Variants in CDK6 observed in about 807,000 individuals in gnomAD.
CDK6 encodes cyclin dependent kinase 6, also known as cyclin-dependent kinase 6.
In CDK6, 6 loss-of-function variants were observed where a neutral mutation model predicts 37.1. The ratio of observed to expected loss-of-function variants is 0.16; its 90% CI spans 0.09 to 0.32. CDK6 has a LOEUF of 0.32. Ranked by LOEUF, CDK6 falls within the 10% of genes least tolerant of loss-of-function variation. CDK6 has a pLI of 1.00. For missense variants in CDK6, 224 were observed against 418.9 expected (o/e 0.53, Z 4.06); for synonymous variants, 160 against 161.3 (o/e 0.99, Z 0.06).
At chr7:92,765,623 A>C (rs1245026270) in intron 3 of CDK6, among the ~76,000 whole-genome samples, 1 of 152,182 alleles carries the variant, frequency 6.6e-6, no homozygotes, top group Admixed American at 6.6e-5. Flanking sequence ...AGTTAATTAG[A>C]AGATAAACAC....
intron 4 of CDK6, among the ~76,000 whole-genome samples, chr7:92,698,420 G>A (rs1401362489): frequency 6.6e-6 from 1 of 152,128 alleles, no homozygotes; most frequent in Admixed American, 6.5e-5. Context: ...GAAAATTCCT[G>A]ATATATGCTG....
At chr7:92,782,322 T>G (rs917300041) in intron 2 of CDK6, among the ~76,000 whole-genome samples, 1 of 152,188 alleles carries the variant, frequency 6.6e-6, no homozygotes, top group African/African-American at 2.4e-5. Flanking sequence ...AAACCACAGA[T>G]GGTCTCTGCC....
intron 3 of CDK6, among the ~76,000 whole-genome samples, chr7:92,763,323 CA>C (rs1246335080): frequency 6.6e-6 from 1 of 152,104 alleles, no homozygotes; most frequent in Non-Finnish European, 1.5e-5. Context: ...GGTTCCTTAC[CA>C]ATAAAACAGG....
intron 2 of CDK6, among the ~76,000 whole-genome samples, chr7:92,810,441 T>C (rs1044302285): frequency 6.6e-6 from 1 of 152,206 alleles, no homozygotes; most frequent in African/African-American, 2.4e-5. Context: ...CTTGAGCAAG[T>C]CATTTACGTT....
chr7:92,758,271 A>G (rs565450505), intron 3 of CDK6, among the ~76,000 whole-genome samples: 1 of 152,236 alleles, frequency 6.6e-6, no homozygotes, highest in South Asian at 2.1e-4. Flanking sequence ...TTTGGGTTTT[A>G]CATGTAAGTC....
chr7:92,740,781 G>A (rs917405431), intron 3 of CDK6, among the ~76,000 whole-genome samples: 12 of 152,134 alleles, frequency 7.9e-5, no homozygotes, highest in Admixed American at 3.9e-4. Context: ...CAGTGAAGGC[G>A]GGAAACCGAA....
At position 92,648,151 on chromosome 7, in the gene CDK6, CCTT is replaced by C. The variant is rs1212988058; in HGVS notation, c.647+23272_647+23274del. Among the ~76,000 whole-genome samples the C allele has an allele frequency of 5.9e-5, 9 of 152,164 alleles. No homozygotes were observed. The South Asian group carries it at 1.0e-3, about 18-fold the overall frequency. On this transcript the variant is annotated intron_variant, in intron 5 of 7. Coordinates refer to ENST00000424848, the MANE Select transcript of CDK6 (RefSeq NM_001145306.2). Reference sequence around the variant, plus strand: ...CGTGCTTGCAGGTGTCATCTGCCCCCCTTCTTATTTTCCTATGGGAATTGGGAA... The same window carrying C: ...CGTGCTTGCAGGTGTCATCTGCCCCCCTTATTTTCCTATGGGAATTGGGAA...
chr7:92,801,400 G>GCT (rs144592915), intron 2 of CDK6, among the ~76,000 whole-genome samples: 103 of 150,054 alleles, frequency 6.9e-4, no homozygotes, highest in Middle Eastern at 6.9e-3. Flanking sequence ...ATACATGCGT[G>GCT]CTCTCTCTCT....
chr7:92,635,150 C>T (rs947806004), intron 5 of CDK6, among the ~76,000 whole-genome samples: 1 of 152,166 alleles, frequency 6.6e-6, no homozygotes, highest in African/African-American at 2.4e-5. Flanking sequence ...ATTTTTGGTG[C>T]ACAGTTTATT....
At chr7:92,719,599 A>C (rs968919382) in intron 4 of CDK6, among the ~76,000 whole-genome samples, 1 of 152,204 alleles carries the variant, frequency 6.6e-6, no homozygotes, top group African/African-American at 2.4e-5. Flanking sequence ...AGATGGGAAC[A>C]TACTCCCACT....
At chr7:92,710,550 CGTT>C (rs1798066577) in intron 4 of CDK6, 1 of 220,702 alleles carries the variant, frequency 4.5e-6, no homozygotes, top group Non-Finnish European at 7.6e-6. Flanking sequence ...CAGATTTAAA[CGTT>C]ATTATTATTC....
intron 4 of CDK6, among the ~76,000 whole-genome samples, chr7:92,687,272 C>T (rs568828205): frequency 7.1e-4 from 108 of 152,294 alleles, no homozygotes; most frequent in African/African-American, 2.5e-3. Context: ...TCTGTTACCC[C>T]CATAAAATTG....
At chr7:92,640,918 C>G (rs1056391760) in intron 5 of CDK6, among the ~76,000 whole-genome samples, 10 of 152,140 alleles carry the variant, frequency 6.6e-5, no homozygotes, top group African/African-American at 2.4e-4. Context: ...ATTTCATTCA[C>G]TCAACCAATA....
chr7:92,765,870 G>A (rs534590912), intron 3 of CDK6, among the ~76,000 whole-genome samples: 1 of 152,342 alleles, frequency 6.6e-6, no homozygotes, highest in Non-Finnish European at 1.5e-5. Context: ...TGGAGTTGTA[G>A]CTGAGAGGGT....
chr7:92,691,741 C>T (rs1426173425), intron 4 of CDK6, among the ~76,000 whole-genome samples: 1 of 152,142 alleles, frequency 6.6e-6, no homozygotes, highest in Non-Finnish European at 1.5e-5. Flanking sequence ...AAAGAAAAGA[C>T]TGAAGTATAT....
rs1795434701 is a variant in CDK6 at position 92,606,618 on chromosome 7, A to T, written c.*8522T>A. ...ATGATTTCAAACACAGAAACTAACA[A>T]GTCAAATTTCCAAATTAGATTTTTT... On this transcript the variant is annotated 3_prime_UTR_variant, in exon 8 of 8. Transcript: ENST00000424848. 2 of 226,110 alleles carry T rather than the reference A, an allele frequency of 8.8e-6. No individual in the cohort carries two copies. Among genetic ancestry groups the T allele is most frequent in the African/African-American group, 2.4e-5 (1 of 42,288 alleles). The allele number at this position is 226,110 out of a possible 1,614,324, so 14.0% of individuals were successfully genotyped here.
At chr7:92,779,532 A>G (rs1177414812) in intron 2 of CDK6, among the ~76,000 whole-genome samples, 1 of 152,224 alleles carries the variant, frequency 6.6e-6, no homozygotes, top group Non-Finnish European at 1.5e-5. Context: ...TGCCATTATT[A>G]TTAACTTCAT....
chr7:92,725,305 T>C (rs896116591), intron 4 of CDK6: 1 of 985,440 alleles, frequency 1.0e-6, no homozygotes, highest in Non-Finnish European at 1.2e-6. Context: ...GTGTGTTCCC[T>C]AGGCATTGTA....
chr7:92,620,272 C>G (rs1371408956), intron 6 of CDK6, among the ~76,000 whole-genome samples: 2 of 152,026 alleles, frequency 1.3e-5, no homozygotes, highest in African/African-American at 4.8e-5. Flanking sequence ...AAATTTTAAA[C>G]AAACACATAA....
Sources: allele counts gnomAD v4.1 joint callset (sites outside exome capture counted in the v4.1 genomes callset), GRCh38; gene constraint gnomAD v4.1.1; transcripts MANE v1.5; gene names NCBI Gene and HGNC (gene_info 2026-07-23, HGNC 2026-07-21).